Variants in DPP10 observed in about 807,000 individuals in gnomAD.
The protein encoded by DPP10 is inactive dipeptidyl peptidase 10.
A neutral mutation model predicts 120.9 loss-of-function variants in DPP10; 33 were observed. That is an observed-to-expected ratio of 0.27 (90% CI 0.21 to 0.37). The LOEUF (loss-of-function observed/expected upper bound fraction) is 0.37, where lower values mean the gene tolerates loss of function less well. Among genes scored for constraint, DPP10 ranks in the 10% least tolerant of loss-of-function variants. The probability of loss-of-function intolerance (pLI) is 1.00; values close to 1 mark genes in which losing one functional copy is unlikely to be tolerated. For missense variants in DPP10, 816 were observed against 942.8 expected, an observed-to-expected ratio of 0.87 and a Z score of 1.76; for synonymous variants, 337 against 326.1, an observed-to-expected ratio of 1.03 and a Z score of -0.36.
intron 1 of DPP10, among the ~76,000 whole-genome samples, chr2:115,149,770 G>A (rs903259764): frequency 6.6e-6 from 1 of 152,144 alleles, no homozygotes; most frequent in South Asian, 2.1e-4. Context: ...GCCAAAGTTA[G>A]CACATAAAAA....
chr2:115,295,705 C>CT (rs1336941032), intron 1 of DPP10, among the ~76,000 whole-genome samples: 17 of 151,736 alleles, frequency 1.1e-4, no homozygotes, highest in Admixed American at 1.1e-3. Context: ...TTAATTTCTG[C>CT]TTTTTTTTCT....
At chr2:115,498,683 T>G (rs1037283856) in intron 3 of DPP10, among the ~76,000 whole-genome samples, 3 of 112,384 alleles carry the variant, frequency 2.7e-5, no homozygotes, top group Admixed American at 1.3e-4. Flanking sequence ...CTCTTTTACC[T>G]AATCATATAT....
chr2:114,475,636 T>C (rs1680309866), intron 1 of DPP10, among the ~76,000 whole-genome samples: 1 of 152,208 alleles, frequency 6.6e-6, no homozygotes, highest in African/African-American at 2.4e-5. Flanking sequence ...TTTTAAAGAC[T>C]GCAGCTCATT....
At chr2:114,716,586 C>A (rs1269492772) in intron 1 of DPP10, among the ~76,000 whole-genome samples, 3 of 152,182 alleles carry the variant, frequency 2.0e-5, no homozygotes, top group Non-Finnish European at 4.4e-5. Context: ...CCTAATTGGG[C>A]AGTCCTTCTT....
At chr2:114,587,097 C>T (rs1250412106) in intron 1 of DPP10, among the ~76,000 whole-genome samples, 1 of 151,748 alleles carries the variant, frequency 6.6e-6, no homozygotes, top group Non-Finnish European at 1.5e-5. Flanking sequence ...GGAGTTCGAG[C>T]CCAGCCTAGC....
chr2:115,014,338 T>C (rs1702479711), intron 1 of DPP10, among the ~76,000 whole-genome samples: 1 of 152,122 alleles, frequency 6.6e-6, no homozygotes, highest in Admixed American at 6.5e-5. Context: ...GGGACAAAGC[T>C]AAAACATAGT....
intron 1 of DPP10, among the ~76,000 whole-genome samples, chr2:115,262,780 A>G (rs1297494424): frequency 6.6e-6 from 1 of 152,184 alleles, no homozygotes; most frequent in African/African-American, 2.4e-5. Context: ...CTGTACTGGC[A>G]TCTACATATT....
intron 1 of DPP10, among the ~76,000 whole-genome samples, chr2:114,479,403 GA>G (rs1461369556): frequency 1.1e-5 from 1 of 89,448 alleles, no homozygotes; most frequent in Admixed American, 1.2e-4. Context: ...ATAGATCAAT[GA>G]AAAAATGAAA....
chr2:115,341,945 T>C (rs772321161), intron 2 of DPP10, among the ~76,000 whole-genome samples: 6 of 152,216 alleles, frequency 3.9e-5, no homozygotes, highest in Non-Finnish European at 5.9e-5. Flanking sequence ...TTTCACCTCC[T>C]TTTGGGTAAA....
chr2:114,832,697 G>A (rs1300675417), intron 1 of DPP10, among the ~76,000 whole-genome samples: 1 of 151,982 alleles, frequency 6.6e-6, no homozygotes, highest in Admixed American at 6.6e-5. Context: ...ATATCTAATA[G>A]CCCAAACAAA....
At chr2:114,918,885 A>G (rs1263174185) in intron 1 of DPP10, among the ~76,000 whole-genome samples, 2 of 152,102 alleles carry the variant, frequency 1.3e-5, no homozygotes, top group Admixed American at 6.6e-5. Context: ...TTGTACACCA[A>G]ACCTTACTGA....
chr2:114,649,013 G>C (rs1322165335), intron 1 of DPP10, among the ~76,000 whole-genome samples: 2 of 152,192 alleles, frequency 1.3e-5, no homozygotes, highest in Non-Finnish European at 2.9e-5. Context: ...GGGCATTAGT[G>C]CTATAAAGCC....
At chr2:115,037,231 C>G (rs887247902) in intron 1 of DPP10, among the ~76,000 whole-genome samples, 2 of 152,006 alleles carry the variant, frequency 1.3e-5, no homozygotes, top group African/African-American at 4.8e-5. Flanking sequence ...TGCTATTTAC[C>G]CATAATACGT....
intron 3 of DPP10, among the ~76,000 whole-genome samples, chr2:115,392,028 T>G (rs558513082): frequency 6.6e-6 from 1 of 152,244 alleles, no homozygotes; most frequent in South Asian, 2.1e-4. Flanking sequence ...CCAGGACAAA[T>G]AAGTTCTCAT....
At chr2:114,819,314 A>G (rs1685895267) in intron 1 of DPP10, among the ~76,000 whole-genome samples, 2 of 151,886 alleles carry the variant, frequency 1.3e-5, no homozygotes, top group Admixed American at 6.6e-5. Flanking sequence ...TGACCTAGCT[A>G]CCAACTAGCT....
intron 1 of DPP10, among the ~76,000 whole-genome samples, chr2:114,909,146 C>T (rs1694183568): frequency 6.6e-6 from 1 of 151,814 alleles, no homozygotes; most frequent in African/African-American, 2.4e-5. Flanking sequence ...GTTAGGCAGA[C>T]ATGAGTATGA....
rs529171586 is a variant in DPP10 at position 114,836,819 on chromosome 2, C to T, written c.60+393981C>T. Among the ~76,000 whole-genome samples, 4 of 152,306 alleles carry T rather than the reference C, an allele frequency of 2.6e-5. No homozygotes were observed. In the South Asian group the frequency reaches 8.3e-4, roughly 32 times the overall value. On this transcript the variant is annotated intron_variant, in intron 1 of 25. Coordinates refer to ENST00000410059, the MANE Select transcript of DPP10 (RefSeq NM_020868.6). ...GCACCCAAGGGGGCCAATTTAGAGA[C>T]CCACCTCAGTGATGCATTCTCTTTC...
chr2:115,239,462 A>G (rs2058162486), intron 1 of DPP10, among the ~76,000 whole-genome samples: 1 of 152,156 alleles, frequency 6.6e-6, no homozygotes, highest in Non-Finnish European at 1.5e-5. Flanking sequence ...AAGTTCCTCC[A>G]CCAGCAAAAC....
At chr2:115,012,446 C>G (rs1325319180) in intron 1 of DPP10, among the ~76,000 whole-genome samples, 1 of 152,200 alleles carries the variant, frequency 6.6e-6, no homozygotes, top group African/African-American at 2.4e-5. Flanking sequence ...TCCCCTGCTG[C>G]CTCCACCAAA....
Sources: gnomAD v4.1 joint callset for allele counts (sites outside exome capture counted in the v4.1 genomes callset) on GRCh38, gnomAD v4.1.1 for gene constraint, MANE v1.5 for transcripts, NCBI Gene and HGNC (gene_info 2026-07-23, HGNC 2026-07-21) for gene names.